The following DOCK7 variants were observed in gnomAD, a reference collection of about 807,000 sequenced individuals.
DOCK7 encodes the protein dedicator of cytokinesis protein 7.
Under a neutral mutation model 271.0 loss-of-function variants are expected in DOCK7, and 138 were observed. The ratio of observed to expected loss-of-function variants is 0.51; its 90% CI spans 0.44 to 0.59. The LOEUF (loss-of-function observed/expected upper bound fraction) is 0.59, where lower values mean the gene tolerates loss of function less well. DOCK7 is among the 20% of genes least tolerant of loss of function. DOCK7 has a pLI of 0.00. For synonymous variants in DOCK7, 823 were observed against 876.1 expected, an observed-to-expected ratio of 0.94 and a Z score of 1.07; for missense variants, 2,066 against 2,592.4, an observed-to-expected ratio of 0.80 and a Z score of 4.41.
chr1:62,672,294 T>C (rs1660102438), intron 1 of DOCK7, among the ~76,000 whole-genome samples: 1 of 152,170 alleles, frequency 6.6e-6, no homozygotes, highest in African/African-American at 2.4e-5. Context: ...TCTTTCCATA[T>C]TGGCACATAA....
chr1:62,529,902 C>T (rs1645123143), intron 29 of DOCK7, among the ~76,000 whole-genome samples: 1 of 152,164 alleles, frequency 6.6e-6, no homozygotes, highest in Non-Finnish European at 1.5e-5. Flanking sequence ...GATTATGTAG[C>T]CCACAGGCTG....
At chr1:62,565,527 C>T (rs1291324126) in intron 18 of DOCK7, among the ~76,000 whole-genome samples, 4 of 152,150 alleles carry the variant, frequency 2.6e-5, no homozygotes, top group African/African-American at 9.7e-5. Context: ...ATGCTAAAAA[C>T]TCTCAATAAA....
At chr1:62,619,236 A>G (rs1258193376) in intron 13 of DOCK7, among the ~76,000 whole-genome samples, 1 of 152,170 alleles carries the variant, frequency 6.6e-6, no homozygotes, top group African/African-American at 2.4e-5. Flanking sequence ...AGACATTTTT[A>G]CTCTGGAATG....
chr1:62,541,752 T>G (rs986019208), intron 25 of DOCK7, among the ~76,000 whole-genome samples: 1 of 152,188 alleles, frequency 6.6e-6, no homozygotes, highest in Non-Finnish European at 1.5e-5. Flanking sequence ...TTTGACTGTG[T>G]GGGGGAGTCG....
chr1:62,650,996 G>GT (rs1657274115), intron 4 of DOCK7, among the ~76,000 whole-genome samples: 1 of 152,042 alleles, frequency 6.6e-6, no homozygotes, highest in Non-Finnish European at 1.5e-5. Flanking sequence ...ACATGCACAC[G>GT]TATGTTTACT....
intron 41 of DOCK7, among the ~76,000 whole-genome samples, chr1:62,490,230 C>T (rs1646422847): frequency 6.6e-6 from 1 of 151,612 alleles, no homozygotes; most frequent in Non-Finnish European, 1.5e-5. Flanking sequence ...ACCACCATGC[C>T]CAGCTAATTT....
intron 18 of DOCK7, among the ~76,000 whole-genome samples, chr1:62,564,926 T>G (rs2149450851): frequency 6.6e-6 from 1 of 152,228 alleles, no homozygotes; most frequent in South Asian, 2.1e-4. Flanking sequence ...AACACCTCTA[T>G]GCAAATAAAC....
chr1:62,667,616 G>A (rs990397071), intron 1 of DOCK7, among the ~76,000 whole-genome samples: 4 of 152,220 alleles, frequency 2.6e-5, no homozygotes, highest in Non-Finnish European at 4.4e-5. Flanking sequence ...TTGGGAGGCT[G>A]AGGCAGGAGA....
rs775011332 is a variant in DOCK7 at position 62,475,291 on chromosome 1, C to T, written c.6022G>A (p.Ala2008Thr). Residue 2008 changes from alanine (A) to threonine (T), a missense_variant, in exon 47 of 50, where the codon GCA (alanine) becomes ACA (threonine). Transcript: ENST00000635253. The stretch of plus-strand genomic sequence containing the variant: ...GCGGGATCCTGATGTGTTGCAAATG[C>T]CAACTCCTGTGTCTTTTTCTGCATG... ...EDMQKKTQEL[A>T]FATHQDPADP... The T allele has an allele frequency of 5.0e-6, 8 of 1,613,954 alleles. No individual in the cohort carries two copies. The highest frequency in any genetic ancestry group is 1.1e-5 in the South Asian group (1 of 91,070).
At chr1:62,656,863 C>CA (rs1276747103) in intron 2 of DOCK7, among the ~76,000 whole-genome samples, 2 of 152,076 alleles carry the variant, frequency 1.3e-5, no homozygotes, top group African/African-American at 4.8e-5. Flanking sequence ...CCTGACAAAA[C>CA]AAAAAACATT....
At chr1:62,572,068 T>TA (rs749876138) in intron 18 of DOCK7, among the ~76,000 whole-genome samples, 115 of 151,920 alleles carry the variant, frequency 7.6e-4, no homozygotes, top group Non-Finnish European at 1.2e-3. Context: ...TAAAAATAAA[T>TA]AAAAAATAAC....
In DOCK7 at chr1:62,604,799, T is replaced by G. The variant is rs143404279; in HGVS notation, c.1682+13907A>C. On this transcript the variant is annotated intron_variant, in intron 14 of 49. Coordinates refer to ENST00000635253, the MANE Select transcript of DOCK7 (RefSeq NM_001367561.1). Reference sequence around the variant, plus strand: ...CCAAAATGTTGATCCATCCAACAGATTCAGAAAGCTTTGAATGAACTGAGG... The same window carrying G: ...CCAAAATGTTGATCCATCCAACAGAGTCAGAAAGCTTTGAATGAACTGAGG... 54 of 1,612,846 alleles carry G rather than the reference T, an allele frequency of 3.3e-5. No individual in the cohort carries two copies. In the Middle Eastern group the frequency reaches 8.2e-4, roughly 25 times the overall value.
intron 14 of DOCK7, among the ~76,000 whole-genome samples, chr1:62,597,156 A>G (rs1268030146): frequency 6.6e-6 from 1 of 152,164 alleles, no homozygotes; most frequent in African/African-American, 2.4e-5. Context: ...AGAAATGCAT[A>G]CTTAATTCAT....
rs1235135289 is a variant in DOCK7 at position 62,634,934 on chromosome 1, T to C, written c.886-12A>G. 2 of 1,567,288 alleles carry C rather than the reference T, an allele frequency of 1.3e-6. No homozygotes were observed. Among genetic ancestry groups the C allele is most frequent in the East Asian group, 2.2e-5 (1 of 44,506 alleles). ...AAGTTTTCTGAAATCTAAAAAATAT[T>C]AGTATGTTAAACTTTAAAATATGTA... On this transcript the variant is annotated splice_polypyrimidine_tract_variant and intron_variant, in intron 8 of 49. Coordinates refer to ENST00000635253, the MANE Select transcript of DOCK7 (RefSeq NM_001367561.1).
chr1:62,631,074 A>G (rs1384526088), intron 11 of DOCK7, among the ~76,000 whole-genome samples, 166 bp downstream of exon 11: 1 of 151,880 alleles, frequency 6.6e-6, no homozygotes, highest in Non-Finnish European at 1.5e-5. Context: ...AATCTCAGCT[A>G]CTCAGGAGGC....
At position 62,535,498 on chromosome 1, in the gene DOCK7, A is replaced by C. The variant is rs1470390768; in HGVS notation, c.3606T>G (p.Ala1202=). Residue 1202 remains alanine (A), a synonymous_variant, in exon 29 of 50, where the codon GCT becomes GCG. Transcript: ENST00000635253. The part of the protein sequence containing the change: ...TELAVILDPD[A]EGLFGLHKKV... ...GTAAAAACTAGTGTACTCACCCTTC[A>C]GCATCAGGGTCTAAAATGACAGCCA... is the stretch of plus-strand genomic sequence containing the variant. 2 of 1,613,358 alleles carry C rather than the reference A, an allele frequency of 1.2e-6. No homozygotes were observed. The highest frequency in any genetic ancestry group is 2.2e-5 in the East Asian group (1 of 44,802).
chr1:62,537,246 C>T (rs1476958747), intron 28 of DOCK7, among the ~76,000 whole-genome samples: 1 of 152,146 alleles, frequency 6.6e-6, no homozygotes, highest in Non-Finnish European at 1.5e-5. Context: ...AATTCATTCA[C>T]ATGTGCATTA....
At chr1:62,588,588 C>T (rs868661015) in intron 14 of DOCK7, among the ~76,000 whole-genome samples, 3 of 151,994 alleles carry the variant, frequency 2.0e-5, no homozygotes, top group Non-Finnish European at 2.9e-5. Flanking sequence ...TTGAATCTAG[C>T]GCCTTAGTCA....
chr1:62,657,743 T>C (rs1571923861), intron 2 of DOCK7, among the ~76,000 whole-genome samples: 1 of 151,818 alleles, frequency 6.6e-6, no homozygotes, highest in Non-Finnish European at 1.5e-5. Flanking sequence ...TAAATGGAAA[T>C]TTTAGAACTG....
Sources: gnomAD v4.1 joint callset for allele counts (sites outside exome capture counted in the v4.1 genomes callset) on GRCh38, gnomAD v4.1.1 for gene constraint, MANE v1.5 for transcripts, NCBI Gene and HGNC (gene_info 2026-07-23, HGNC 2026-07-21) for gene names.